The following ZBTB20 variants were observed in gnomAD, a reference collection of about 807,000 sequenced individuals.
The protein encoded by ZBTB20 is zinc finger and BTB domain containing 20, also known as zinc finger and BTB domain-containing protein 20.
ZBTB20 carries 9 observed loss-of-function variants against 56.9 expected under a neutral mutation model. The observed-to-expected ratio is 0.16, with a 90% CI of 0.10 to 0.28. The LOEUF is 0.28. Among genes scored for constraint, ZBTB20 ranks in the 10% least tolerant of loss-of-function variants. ZBTB20 has a pLI of 1.00. For synonymous variants in ZBTB20, 417 were observed against 420.7 expected, an observed-to-expected ratio of 0.99 and a Z score of 0.11; for missense variants, 655 against 1,003.0, an observed-to-expected ratio of 0.65 and a Z score of 4.69.
chr3:115,102,208 T>A lies in ZBTB20; in HGVS notation c.-702-30794A>T, dbSNP rs539778783. 5.3e-5 allele frequency among the ~76,000 whole-genome samples: 8 copies of A among 152,244 alleles called. No individual in the cohort carries two copies. In the South Asian group the frequency reaches 1.0e-3, roughly 20 times the overall value. ...CTAGTGCTGCAGTAGTATATCACCCTCCCAAGGGTGGATGATTAAAAGGAG... is the reference window on the plus strand; with the variant it reads ...CTAGTGCTGCAGTAGTATATCACCCACCCAAGGGTGGATGATTAAAAGGAG... On this transcript the variant is annotated intron_variant, in intron 1 of 11. Transcript: ENST00000675478.
Position 114,320,221 on chromosome 3 carries a change from G to A in ZBTB20, c.*18784C>T, listed in dbSNP as rs1399341525. Reference sequence around the variant, plus strand: ...TTTTTCATAGCTGTTTTCCCCTGTTGCTTATTTGCTGTTTTTTTCCCTCAT... The same window carrying A: ...TTTTTCATAGCTGTTTTCCCCTGTTACTTATTTGCTGTTTTTTTCCCTCAT... On this transcript the variant is annotated 3_prime_UTR_variant, in exon 12 of 12. Coordinates refer to ENST00000675478, the MANE Select transcript of ZBTB20 (RefSeq NM_001348800.3). 6.6e-6 allele frequency: 1 copy of A among 151,812 alleles called. No individual in the cohort carries two copies. The highest frequency in any genetic ancestry group is 1.5e-5 in the Non-Finnish European group (1 of 67,924). The allele number at this position is 151,812 out of a possible 1,614,324, so 9.4% of individuals were successfully genotyped here.
At chr3:114,406,781 T>A (rs1377097982) in intron 7 of ZBTB20, among the ~76,000 whole-genome samples, 1 of 152,238 alleles carries the variant, frequency 6.6e-6, no homozygotes, top group Admixed American at 6.5e-5. Context: ...TGAAAAAGGA[T>A]ATAAAAAAGC....
chr3:114,757,849 A>G (rs1454717821), intron 5 of ZBTB20, among the ~76,000 whole-genome samples: 4 of 152,120 alleles, frequency 2.6e-5, no homozygotes, highest in African/African-American at 9.6e-5. Context: ...TTTCTAAAAC[A>G]TGAGAGTCAT....
At chr3:115,025,167 C>T (rs2080369380) in intron 2 of ZBTB20, among the ~76,000 whole-genome samples, 4 of 151,308 alleles carry the variant, frequency 2.6e-5, no homozygotes, top group African/African-American at 2.4e-5. Flanking sequence ...CATCATTTAG[C>T]TCCCACTTAT....
intron 10 of ZBTB20, among the ~76,000 whole-genome samples, chr3:114,373,360 T>C (rs1481917618): frequency 6.6e-6 from 1 of 152,222 alleles, no homozygotes; most frequent in East Asian, 1.9e-4. Context: ...AGCTGAATTA[T>C]AACAATAGAC....
intron 5 of ZBTB20, among the ~76,000 whole-genome samples, chr3:114,705,067 T>C (rs1179276980): frequency 6.6e-6 from 1 of 152,142 alleles, no homozygotes; most frequent in Non-Finnish European, 1.5e-5. Flanking sequence ...GTGAATTAAA[T>C]AACTCACTCA....
chr3:115,111,170 A>G (rs890399311), intron 1 of ZBTB20, among the ~76,000 whole-genome samples: 2 of 152,072 alleles, frequency 1.3e-5, no homozygotes, highest in Admixed American at 1.3e-4. Flanking sequence ...TGAAAATGTA[A>G]TAACTGGATC....
intron 2 of ZBTB20, among the ~76,000 whole-genome samples, chr3:114,988,580 C>T (rs1278871108): frequency 2.0e-5 from 3 of 151,944 alleles, no homozygotes; most frequent in African/African-American, 4.8e-5. Flanking sequence ...TGTGTCTTTA[C>T]AGCAGCATGA....
chr3:114,326,493 C>T lies in ZBTB20; in HGVS notation c.*12512G>A, dbSNP rs1037977650. 1 of 152,008 alleles carries T rather than the reference C, an allele frequency of 6.6e-6. No individual in the cohort carries two copies. The highest frequency in any genetic ancestry group is 2.4e-5 in the African/African-American group (1 of 41,400). 9.4% of individuals were successfully genotyped at this position (152,008 alleles called of 1,614,324 possible). On this transcript the variant is annotated 3_prime_UTR_variant, in exon 12 of 12. Coordinates refer to ENST00000675478, the MANE Select transcript of ZBTB20 (RefSeq NM_001348800.3). ...ATAAGATTTTTTGGAGGAAAAATTC[C>T]TTCATGGTAGGATGGAAGGCTTTTC...
In ZBTB20 at chr3:114,331,712, A is replaced by G. The variant is rs914154700; in HGVS notation, c.*7293T>C. ...ATTACTGATGGTTGGGCTCCTTCAG[A>G]ATGCCCTAAAGTCTCATCACAGATA... is the stretch of plus-strand genomic sequence containing the variant. On this transcript the variant is annotated 3_prime_UTR_variant, in exon 12 of 12. Coordinates refer to ENST00000675478, the MANE Select transcript of ZBTB20 (RefSeq NM_001348800.3). 2 of 152,238 alleles carry G rather than the reference A, an allele frequency of 1.3e-5. No homozygotes were observed. Among genetic ancestry groups the G allele is most frequent in the Non-Finnish European group, 2.9e-5 (2 of 68,038 alleles). 9.4% of individuals were successfully genotyped at this position (152,238 alleles called of 1,614,324 possible). A position where few individuals can be genotyped will look rare whatever the true frequency, so the allele number is the denominator to read the frequency against.
At chr3:114,885,205 T>A (rs1473069767) in intron 4 of ZBTB20, among the ~76,000 whole-genome samples, 1 of 152,144 alleles carries the variant, frequency 6.6e-6, no homozygotes, top group Non-Finnish European at 1.5e-5. Context: ...ACTCCTCCCT[T>A]GCCACAGCTA....
chr3:115,131,889 A>G (rs1350203937), intron 1 of ZBTB20, among the ~76,000 whole-genome samples: 2 of 152,168 alleles, frequency 1.3e-5, no homozygotes, highest in African/African-American at 4.8e-5. Context: ...GAATTTGCCA[A>G]TCATTTCCAC....
chr3:114,327,434 G>C lies in ZBTB20; in HGVS notation c.*11571C>G, dbSNP rs1030304062. On this transcript the variant is annotated 3_prime_UTR_variant, in exon 12 of 12. Coordinates refer to ENST00000675478, the MANE Select transcript of ZBTB20 (RefSeq NM_001348800.3). ...TAAGGAGAGGATTACTTTAGATAAAGAGTACTTTAAGAAAAAAAAAATACC... is the reference window on the plus strand; with the variant it reads ...TAAGGAGAGGATTACTTTAGATAAACAGTACTTTAAGAAAAAAAAAATACC... 2.0e-5 allele frequency: 3 copies of C among 151,862 alleles called. No individual in the cohort carries two copies. Among genetic ancestry groups the C allele is most frequent in the African/African-American group, 7.2e-5 (3 of 41,402 alleles). The allele number at this position is 151,862 out of a possible 1,614,324, so 9.4% of individuals were successfully genotyped here.
Position 114,380,257 on chromosome 3 carries a change from A to T in ZBTB20, c.159T>A (p.His53Gln). Residue 53 changes from histidine to glutamine, a missense_variant, in exon 10 of 12, where the codon CAT becomes CAA. Transcript: ENST00000675478. ...SPDPALIHST[H>Q]SLTNSHAHTG... ...TGTGAGCGTGAGAGTTTGTCAGTGAATGTGTTGAGTGGATGAGGGCTGGGT... is the reference window on the plus strand; with the variant it reads ...TGTGAGCGTGAGAGTTTGTCAGTGATTGTGTTGAGTGGATGAGGGCTGGGT... The T allele has an allele frequency of 6.5e-7, 1 of 1,537,070 alleles. No homozygotes were observed.
intron 3 of ZBTB20, among the ~76,000 whole-genome samples, chr3:114,932,280 C>A (rs537133073): frequency 2.0e-5 from 3 of 152,306 alleles, no homozygotes; most frequent in Non-Finnish European, 4.4e-5. Context: ...GAATTTATTT[C>A]AAAAATGGTG....
chr3:115,009,270 T>C (rs1225323038), intron 2 of ZBTB20, among the ~76,000 whole-genome samples: 1 of 151,884 alleles, frequency 6.6e-6, no homozygotes, highest in African/African-American at 2.4e-5. Context: ...GGTTAAAAAT[T>C]GTGTGAGTAA....
intron 5 of ZBTB20, among the ~76,000 whole-genome samples, chr3:114,709,745 G>A (rs1419115324): frequency 6.6e-6 from 1 of 152,158 alleles, no homozygotes; most frequent in Non-Finnish European, 1.5e-5. Context: ...GAGAACCAAT[G>A]GGCTACTGGG....
chr3:114,735,024 CTT>C (rs113322039), intron 5 of ZBTB20, among the ~76,000 whole-genome samples: 2 of 144,766 alleles, frequency 1.4e-5, no homozygotes. Flanking sequence ...GGGAATAGTT[CTT>C]TTTTTTTTTT....
intron 5 of ZBTB20, among the ~76,000 whole-genome samples, chr3:114,787,131 T>C (rs1208751293): frequency 6.6e-6 from 1 of 151,670 alleles, no homozygotes; most frequent in Non-Finnish European, 1.5e-5. Context: ...CACATCACCA[T>C]GCCTAGTCAA....
Sources: allele counts gnomAD v4.1 joint callset (sites outside exome capture counted in the v4.1 genomes callset), GRCh38; gene constraint gnomAD v4.1.1; transcripts MANE v1.5; gene names NCBI Gene and HGNC (gene_info 2026-07-23, HGNC 2026-07-21).